The following BCOR variants were observed in gnomAD, a reference collection of about 807,000 sequenced individuals.
BCOR encodes the protein BCL6 corepressor.
Under a neutral mutation model 86.7 loss-of-function variants are expected in BCOR, and 10 were observed. That is an observed-to-expected ratio of 0.12 (90% CI 0.07 to 0.20). BCOR has a LOEUF of 0.20. BCOR is among the 10% of genes least tolerant of loss of function. The probability of loss-of-function intolerance (pLI) is 1.00; values close to 1 mark genes in which losing one functional copy is unlikely to be tolerated. For synonymous variants in BCOR, 611 were observed against 609.0 expected, an observed-to-expected ratio of 1.00 and a Z score of -0.05; for missense variants, 1,259 against 1,452.1, an observed-to-expected ratio of 0.87 and a Z score of 2.16.
At chrX:40,090,883 G>T (rs1251100328) in intron 1 of BCOR, among the ~76,000 whole-genome samples, 1 of 112,112 alleles carries the variant, frequency 8.9e-6, no homozygotes, top group Non-Finnish European at 1.9e-5. Context: ...CGCCGGAAAT[G>T]GTGCTGGAAG....
intron 1 of BCOR, among the ~76,000 whole-genome samples, chrX:40,161,123 T>C (rs922983273): frequency 1.8e-5 from 2 of 109,286 alleles, no homozygotes; most frequent in African/African-American, 6.7e-5. Context: ...TTCTCCCACC[T>C]CAGCCTCCAG....
intron 1 of BCOR, among the ~76,000 whole-genome samples, chrX:40,142,525 C>T (rs927588781): frequency 8.2e-4 from 92 of 111,995 alleles, no homozygotes; most frequent in African/African-American, 2.8e-3. Flanking sequence ...CACACCTAGT[C>T]CTTGGACTCT....
chrX:40,077,579 G>A, intron 2 of BCOR: 1 of 403,052 alleles, frequency 2.5e-6, no homozygotes, highest in East Asian at 4.2e-5. Context: ...ATATAGACTG[G>A]GATTAATTCT....
intron 12 of BCOR, among the ~76,000 whole-genome samples, chrX:40,054,967 C>T (rs1569140954): frequency 8.9e-6 from 1 of 112,369 alleles, no homozygotes; most frequent in Non-Finnish European, 1.9e-5. Flanking sequence ...TCATGAAAAC[C>T]TTGTGCTTCT....
chrX:40,139,403 ATATATATATATAATATATATAC>A lies in BCOR; in HGVS notation c.-41+37582_-41+37603del, dbSNP rs1569192210. On this transcript the variant is annotated intron_variant, in intron 1 of 14. Transcript: ENST00000342274. ...ATATATAATATATATACATATATAT[ATATATATATATAATATATATAC>A]ATATATATATATATATATATAATAT... is the stretch of plus-strand genomic sequence containing the variant. 1.1e-3 allele frequency among the ~76,000 whole-genome samples: 19 copies of A among 18,027 alleles called. 4 individuals carry two copies. The highest frequency in any genetic ancestry group is 0.01 in the African/African-American group (17 of 1,628). 15.7% of individuals were successfully genotyped at this position (18,027 alleles called of 115,157 possible). A position where few individuals can be genotyped will look rare whatever the true frequency, so the allele number is the denominator to read the frequency against.
chrX:40,148,033 T>A (rs946817493), intron 1 of BCOR, among the ~76,000 whole-genome samples: 2 of 112,316 alleles, frequency 1.8e-5, no homozygotes, highest in African/African-American at 6.5e-5. Flanking sequence ...ATCAGAGAGC[T>A]GGTGCCTCCA....
chrX:40,074,126 G>C lies in BCOR; in HGVS notation c.1220C>G (p.Pro407Arg). 8.2e-7 allele frequency: 1 copy of C among 1,212,280 alleles called. No homozygotes were observed. The highest frequency in any genetic ancestry group is 1.7e-5 in the African/African-American group (1 of 58,032). Residue 407 changes from proline (P) to arginine (R), a missense_variant, in exon 4 of 15, where the codon CCC becomes CGC. Transcript: ENST00000378444. ...PEGGEGAQPV[P>R]GHARKTAVQD... ...AACCGCTGTCTTCCGGGCATGCCCG[G>C]GCACTGGCTGGGCACCTTCGCCCCC...
intron 11 of BCOR, among the ~76,000 whole-genome samples, chrX:40,056,285 A>G (rs1336168204): frequency 1.1e-5 from 1 of 88,296 alleles, no homozygotes; most frequent in Non-Finnish European, 2.6e-5. Context: ...ACACATTAAA[A>G]AAAAAAAAAA....
At chrX:40,168,313 A>G (rs185974239) in intron 1 of BCOR, among the ~76,000 whole-genome samples, 1 of 113,108 alleles carries the variant, frequency 8.8e-6, no homozygotes, top group African/African-American at 3.2e-5. Context: ...TCAGGACCCT[A>G]CACGCGCGGA....
chrX:40,077,747 C>T, intron 2 of BCOR, 97 bp downstream of exon 2: 1 of 811,243 alleles, frequency 1.2e-6, no homozygotes, highest in Non-Finnish European at 1.9e-6. Flanking sequence ...TCTTTCTCTC[C>T]CACCCCTTTT....
At chrX:40,087,040 G>A (rs775368818) in intron 1 of BCOR, among the ~76,000 whole-genome samples, 49 of 113,490 alleles carry the variant, frequency 4.3e-4, no homozygotes, top group Non-Finnish European at 7.7e-4. Flanking sequence ...CTGGAAGCTC[G>A]AGGAAGCATC....
chrX:40,138,784 A>G (rs1425630570), intron 1 of BCOR, among the ~76,000 whole-genome samples: 1 of 110,485 alleles, frequency 9.1e-6, no homozygotes, highest in Admixed American at 9.7e-5. Flanking sequence ...TGAACTCCTT[A>G]CCTCAGGTGA....
Position 40,074,638 on chromosome X carries a change from T to C in BCOR, c.708A>G (p.Pro236=), listed in dbSNP as rs1221010172. 8.3e-7 allele frequency: 1 copy of C among 1,210,557 alleles called. No individual in the cohort carries two copies. The highest frequency in any genetic ancestry group is 1.7e-5 in the African/African-American group (1 of 57,324). Residue 236 remains proline, a synonymous_variant, in exon 4 of 15, where the codon CCA becomes CCG. Transcript: ENST00000378444. ...GAAAGCGCTCCCCATTGGTGCAGACTGGAGAATACAGCGGCTGGGCCAAGC... is the reference window on the plus strand; with the variant it reads ...GAAAGCGCTCCCCATTGGTGCAGACCGGAGAATACAGCGGCTGGGCCAAGC... The part of the protein sequence containing the change: ...SYSLAQPLYS[P]VCTNGERFLY...
intron 1 of BCOR, among the ~76,000 whole-genome samples, chrX:40,135,803 G>A (rs1272840609): frequency 1.8e-5 from 2 of 111,962 alleles, no homozygotes; most frequent in Non-Finnish European, 3.8e-5. Context: ...AAACCATCTC[G>A]GGGAGGGTAA....
chrX:40,074,223 G>A lies in BCOR; in HGVS notation c.1123C>T (p.Pro375Ser), dbSNP rs1935656218. The A allele has an allele frequency of 1.6e-6, 2 of 1,212,267 alleles. No homozygotes were observed. Among genetic ancestry groups the A allele is most frequent in the Non-Finnish European group, 2.2e-6 (2 of 895,603 alleles). ...STSPSVALSK[P>S]YMTVSSEFPA... is the part of the protein sequence containing the mutation. ...AACTCGCTGCTAACTGTCATGTATG[G>A]CTTTGACAGGGCAACTGAAGGAGAG... The change falls in exon 4 of 15, where the codon CCA becomes TCA. Residue 375 changes from proline (P) to serine (S), a missense_variant. Pro to Ser is a moderately conservative substitution (Grantham distance 74). Transcript: ENST00000378444.
intron 1 of BCOR, among the ~76,000 whole-genome samples, chrX:40,095,241 G>A (rs1031069176): frequency 1.8e-5 from 2 of 112,227 alleles, no homozygotes; most frequent in African/African-American, 6.5e-5. Context: ...GTCGAGAGAG[G>A]AGTGGGCAGG....
chrX:40,127,861 AAAATAAATAAATAAATAAAT>A (rs56092715), intron 1 of BCOR, among the ~76,000 whole-genome samples: 68 of 85,923 alleles, frequency 7.9e-4, no homozygotes, highest in African/African-American at 2.6e-3. Context: ...ACCTTGTCTC[AAAATAAATAAATAAATAAAT>A]AAATAAATAA....
chrX:40,073,205 A>G lies in BCOR; in HGVS notation c.2141T>C (p.Val714Ala). ...CAACCCCAGGGCATCTTGGTAGGTC[A>G]CAAACTCTGGACGGCCGGTGGGAAG... ...YGLPTGRPEF[V>A]TYQDALGLGM... Residue 714 changes from valine to alanine, a missense_variant, in exon 4 of 15, where the codon GTG (valine) becomes GCG (alanine). Physicochemically the swap from Val to Ala is moderately conservative, Grantham distance 64 (BLOSUM62 0). This residue lies in a region of BCOR where 534 missense variants were observed against 594.8 expected (regional missense o/e 0.90). Coordinates refer to ENST00000378444, the MANE Select transcript of BCOR (RefSeq NM_001123385.2). 2.5e-6 allele frequency: 3 copies of G among 1,212,318 alleles called. No homozygotes were observed. The highest frequency in any genetic ancestry group is 3.3e-6 in the Non-Finnish European group (3 of 895,643).
intron 1 of BCOR, among the ~76,000 whole-genome samples, chrX:40,127,061 A>T (rs1051582666): frequency 3.3e-4 from 37 of 111,833 alleles, no homozygotes; most frequent in African/African-American, 1.2e-3. Flanking sequence ...TTACTTTGTT[A>T]TGGCAGCCCC....
Sources: allele counts gnomAD v4.1 joint callset (sites outside exome capture counted in the v4.1 genomes callset), GRCh38; gene constraint gnomAD v4.1.1; regional missense constraint gnomAD v4.1.1; transcripts MANE v1.5; gene names NCBI Gene and HGNC (gene_info 2026-07-23, HGNC 2026-07-21).